Variants in TBC1D5 observed in about 807,000 individuals in gnomAD.
TBC1D5 encodes TBC1 domain family, member 5.
TBC1D5 carries 75 observed loss-of-function variants against 100.3 expected under a neutral mutation model. The ratio of observed to expected loss-of-function variants is 0.75; its 90% confidence interval spans 0.62 to 0.91. TBC1D5 has a LOEUF of 0.91. TBC1D5 is among the 40% of genes least tolerant of loss of function. The pLI, the probability that TBC1D5 is intolerant of heterozygous loss-of-function variation, is 0.00. For synonymous variants in TBC1D5, 323 were observed against 325.6 expected (o/e 0.99, Z 0.09); for missense variants, 910 against 942.4 (o/e 0.97, Z 0.45).
chr3:17,699,578 T>C (rs1454808892), intron 1 of TBC1D5, among the ~76,000 whole-genome samples: 6 of 145,188 alleles, frequency 4.1e-5, no homozygotes, highest in African/African-American at 7.6e-5. Context: ...ACCATAATAA[T>C]TGACCTATTA....
chr3:17,403,079 GCATT>G lies in TBC1D5; in HGVS notation c.509+98_509+101del, dbSNP rs1295487705. On this transcript the variant is annotated intron_variant, in intron 8 of 21. Transcript: ENST00000253692. ...TTGTTATTAACACAAGTAGAATACT[GCATT>G]CAATTAAGTTGACTGCAGATTTTGT... 159 of 920,354 alleles carry G rather than the reference GCATT, an allele frequency of 1.7e-4. 1 individual carries two copies. The highest frequency in any genetic ancestry group is 2.4e-4 in the Non-Finnish European group (148 of 617,392). 57.0% of individuals were successfully genotyped at this position (920,354 alleles called of 1,614,324 possible).
At chr3:17,426,036 G>C (rs2094327501) in intron 4 of TBC1D5, among the ~76,000 whole-genome samples, 1 of 151,034 alleles carries the variant, frequency 6.6e-6, no homozygotes, top group Non-Finnish European at 1.5e-5. Flanking sequence ...TGTTGGTGTA[G>C]GTTTCAGGCC....
intron 2 of TBC1D5, among the ~76,000 whole-genome samples, chr3:17,545,191 T>A (rs557441353): frequency 6.6e-6 from 1 of 152,176 alleles, no homozygotes; most frequent in Non-Finnish European, 1.5e-5. Context: ...TATTTAGAGA[T>A]AGGGCCTTTA....
intron 4 of TBC1D5, among the ~76,000 whole-genome samples, chr3:17,413,691 G>C (rs1049176320): frequency 1.5e-4 from 23 of 152,162 alleles, no homozygotes; most frequent in African/African-American, 5.5e-4. Flanking sequence ...TTTATGACTA[G>C]AAGGCTTCTG....
intron 13 of TBC1D5, among the ~76,000 whole-genome samples, chr3:17,312,170 A>G (rs908807002): frequency 6.6e-6 from 1 of 152,086 alleles, no homozygotes; most frequent in African/African-American, 2.4e-5. Flanking sequence ...GCAAGTAAAC[A>G]CTGAATTCAT....
intron 2 of TBC1D5, among the ~76,000 whole-genome samples, chr3:17,573,845 A>G (rs2096641635): frequency 6.6e-6 from 1 of 151,988 alleles, no homozygotes; most frequent in Admixed American, 6.6e-5. Context: ...CACATAATTC[A>G]TCACACTAGA....
intron 2 of TBC1D5, among the ~76,000 whole-genome samples, chr3:17,571,354 G>A (rs1173862306): frequency 6.6e-6 from 1 of 151,758 alleles, no homozygotes; most frequent in African/African-American, 2.4e-5. Flanking sequence ...CAATTCACAC[G>A]ATTGGATTTC....
intron 14 of TBC1D5, among the ~76,000 whole-genome samples, chr3:17,293,325 A>G (rs2081946016): frequency 1.3e-5 from 2 of 152,226 alleles, no homozygotes; most frequent in South Asian, 4.1e-4. Flanking sequence ...AGATCTAGCA[A>G]GTAATTAAGA....
intron 17 of TBC1D5, among the ~76,000 whole-genome samples, chr3:17,223,250 T>A (rs2074479476): frequency 6.6e-6 from 1 of 152,156 alleles, no homozygotes. Flanking sequence ...GATTCTAGAT[T>A]TTATATATAT....
At chr3:17,321,994 CGA>C (rs1559629069) in intron 13 of TBC1D5, among the ~76,000 whole-genome samples, 1 of 152,142 alleles carries the variant, frequency 6.6e-6, no homozygotes, top group African/African-American at 2.4e-5. Flanking sequence ...CCATGAATTA[CGA>C]GAGGTACAAG....
chr3:17,510,246 C>T (rs570741764), intron 2 of TBC1D5, among the ~76,000 whole-genome samples: 68 of 152,088 alleles, frequency 4.5e-4, no homozygotes, highest in African/African-American at 1.5e-3. Flanking sequence ...AAACAAAATG[C>T]TCCTCTATCC....
intron 19 of TBC1D5, among the ~76,000 whole-genome samples, chr3:17,182,238 C>G (rs545626786): frequency 2.0e-5 from 3 of 152,146 alleles, no homozygotes; most frequent in Non-Finnish European, 4.4e-5. Flanking sequence ...TCCCTTAATC[C>G]CACTTTAAAA....
At chr3:17,430,081 C>T (rs1245116160) in intron 3 of TBC1D5, among the ~76,000 whole-genome samples, 1 of 151,636 alleles carries the variant, frequency 6.6e-6, no homozygotes, top group Non-Finnish European at 1.5e-5. Context: ...ATTACTCATA[C>T]AGCACCCTTC....
intron 3 of TBC1D5, among the ~76,000 whole-genome samples, chr3:17,491,577 T>C (rs1576332725): frequency 6.6e-6 from 1 of 152,196 alleles, no homozygotes; most frequent in Admixed American, 6.5e-5. Flanking sequence ...TGTGGTTTTG[T>C]CTTTAGTTCT....
chr3:17,619,502 T>C (rs2062468982), intron 2 of TBC1D5, among the ~76,000 whole-genome samples: 1 of 152,142 alleles, frequency 6.6e-6, no homozygotes, highest in South Asian at 2.1e-4. Context: ...GGTGATATAA[T>C]AAATCATTAG....
At chr3:17,585,963 G>A (rs1476676406) in intron 2 of TBC1D5, among the ~76,000 whole-genome samples, 1 of 152,094 alleles carries the variant, frequency 6.6e-6, no homozygotes, top group Non-Finnish European at 1.5e-5. Flanking sequence ...AAGAAATGGT[G>A]GGGGAGTGGG....
intron 13 of TBC1D5, among the ~76,000 whole-genome samples, chr3:17,355,376 A>G (rs2091116092): frequency 6.6e-6 from 1 of 152,182 alleles, no homozygotes; most frequent in South Asian, 2.1e-4. Context: ...GGCCAATTAA[A>G]ATAGTTCCAA....
At chr3:17,565,203 A>C (rs911122879) in intron 2 of TBC1D5, among the ~76,000 whole-genome samples, 1 of 152,130 alleles carries the variant, frequency 6.6e-6, no homozygotes, top group Non-Finnish European at 1.5e-5. Context: ...TCAATCCTAC[A>C]ATCATCTTTT....
intron 4 of TBC1D5, among the ~76,000 whole-genome samples, chr3:17,408,265 TC>T (rs2093826165): frequency 7.9e-6 from 1 of 125,860 alleles, no homozygotes; most frequent in East Asian, 2.5e-4. Context: ...CAGAAGACTA[TC>T]CAACACACAC....
Sources: gnomAD v4.1 joint callset for allele counts (sites outside exome capture counted in the v4.1 genomes callset) on GRCh38, gnomAD v4.1.1 for gene constraint, MANE v1.5 for transcripts, NCBI Gene and HGNC (gene_info 2026-07-23, HGNC 2026-07-21) for gene names.